DYNC1H1: variants seen among roughly 807,000 people sequenced by gnomAD.
The protein encoded by DYNC1H1 is cytoplasmic dynein 1 heavy chain 1.
Under a neutral mutation model 527.1 loss-of-function variants are expected in DYNC1H1, and 51 were observed. That is an observed-to-expected ratio of 0.10 (90% CI 0.08 to 0.12). DYNC1H1 has a LOEUF of 0.12. Ranked by LOEUF, DYNC1H1 falls within the 10% of genes least tolerant of loss-of-function variation. The pLI, the probability that DYNC1H1 is intolerant of heterozygous loss-of-function variation, is 1.00. For missense variants in DYNC1H1, 2,771 were observed against 5,971.8 expected (o/e 0.46, Z 17.66); for synonymous variants, 2,189 against 2,278.8 (o/e 0.96, Z 1.12).
intron 27 of DYNC1H1, 46 bp from the exon 28 acceptor site, chr14:102,006,962 C>A: frequency 5.7e-6 from 9 of 1,585,956 alleles, no homozygotes; most frequent in African/African-American, 1.3e-5. Context: ...GATATGTTTT[C>A]AGTTAGGTAA....
intron 74 of DYNC1H1, 60 bp downstream of exon 74, chr14:102,048,729 A>G (rs2152600615): frequency 6.6e-7 from 1 of 1,509,110 alleles, no homozygotes; most frequent in Non-Finnish European, 8.9e-7. Flanking sequence ...CAGGGGCCAC[A>G]ACCCAGCCCA....
chr14:101,980,263 G>A (rs1465944617), intron 4 of DYNC1H1, 101 bp from the exon 5 acceptor site: 3 of 1,440,782 alleles, frequency 2.1e-6, no homozygotes, highest in Non-Finnish European at 1.9e-6. Flanking sequence ...AAATCTACTT[G>A]AAATATAAAA....
Position 102,041,897 on chromosome 14 carries a change from AC to A in DYNC1H1, c.12103-114del. 1.3e-6 allele frequency: 2 copies of A among 1,494,466 alleles called. No individual in the cohort carries two copies. Among genetic ancestry groups the A allele is most frequent in the Non-Finnish European group, 1.8e-6 (2 of 1,087,714 alleles). 92.6% of individuals were successfully genotyped at this position (1,494,466 alleles called of 1,614,324 possible). On this transcript the variant is annotated intron_variant, in intron 65 of 77. Coordinates refer to ENST00000360184, the MANE Select transcript of DYNC1H1 (RefSeq NM_001376.5). The surrounding 1 kb of genome is among the most constrained non-coding windows in gnomAD (Gnocchi z 4.5). The stretch of plus-strand genomic sequence containing the variant: ...CAACTCCTGGCTGCATGGTGCCCAC[AC>A]CTCTGGGCCCAGAAAGAACATCTTC...
At position 102,004,745 on chromosome 14, in the gene DYNC1H1, A is replaced by T; in HGVS notation, c.5050-17A>T. ...CATTTTTGCATACCTCATTTCTTAA[A>T]ATTGTATTTATTTCAGGTTATGTTT... On this transcript the variant is annotated splice_polypyrimidine_tract_variant and intron_variant, in intron 24 of 77. Coordinates refer to ENST00000360184, the MANE Select transcript of DYNC1H1 (RefSeq NM_001376.5). 6.2e-7 allele frequency: 1 copy of T among 1,614,112 alleles called. No individual in the cohort carries two copies. Among genetic ancestry groups the T allele is most frequent in the Non-Finnish European group, 8.5e-7 (1 of 1,180,014 alleles).
Position 102,044,120 on chromosome 14 carries a change from G to T in DYNC1H1, c.12684+75G>T. ...ATGCTGCAGGGCGTGGTGCTGAGAG[G>T]CCAGACTCTGCGTGGAAGAGCGAGC... On this transcript the variant is annotated intron_variant, in intron 70 of 77. Coordinates refer to ENST00000360184, the MANE Select transcript of DYNC1H1 (RefSeq NM_001376.5). The surrounding 1 kb of genome is among the most constrained non-coding windows in gnomAD (Gnocchi z 7.1). The T allele has an allele frequency of 6.3e-7, 1 of 1,595,956 alleles. No homozygotes were observed. Among genetic ancestry groups the T allele is most frequent in the Non-Finnish European group, 8.5e-7 (1 of 1,174,744 alleles).
In DYNC1H1 at chr14:102,036,309, G is replaced by A. The variant is rs1450685477; in HGVS notation, c.10755-180G>A. ...GCCAATAGTTGTTCAAAAGGATGAG[G>A]TGATGTTAGCATTAAGCATGTAAGC... On this transcript the variant is annotated intron_variant, in intron 56 of 77. Coordinates refer to ENST00000360184, the MANE Select transcript of DYNC1H1 (RefSeq NM_001376.5). This position sits in a 1 kb window ranked among gnomAD's most constrained non-coding sequence, Gnocchi z 5.6. 2 of 692,596 alleles carry A rather than the reference G, an allele frequency of 2.9e-6. No individual in the cohort carries two copies. The highest frequency in any genetic ancestry group is 1.8e-5 in the African/African-American group (1 of 56,734). 42.9% of individuals were successfully genotyped at this position (692,596 alleles called of 1,614,324 possible).
rs1391203930 is a variant in DYNC1H1, at chr14:102,052,444, T to A, written c.*1881T>A. 3 of 152,288 alleles carry A rather than the reference T, an allele frequency of 2.0e-5. No homozygotes were observed. The highest frequency in any genetic ancestry group is 7.2e-5 in the African/African-American group (3 of 41,444). The allele number at this position is 152,288 out of a possible 1,614,324, so 9.4% of individuals were successfully genotyped here. On this transcript the variant is annotated 3_prime_UTR_variant, in exon 78 of 78. Coordinates refer to ENST00000360184, the MANE Select transcript of DYNC1H1 (RefSeq NM_001376.5). ...CACCACACCCAGCCCCTAAAAACATTTATGTGCATCGACATCAGCTTTGAT... is the reference window on the plus strand; with the variant it reads ...CACCACACCCAGCCCCTAAAAACATATATGTGCATCGACATCAGCTTTGAT...
chr14:101,999,160 G>A (rs985949844), intron 16 of DYNC1H1, among the ~76,000 whole-genome samples: 19 of 151,870 alleles, frequency 1.3e-4, no homozygotes, highest in African/African-American at 4.6e-4. Flanking sequence ...GGGATTATAG[G>A]CGTGAGCCAC....
intron 34 of DYNC1H1, among the ~76,000 whole-genome samples, chr14:102,014,149 C>T (rs1206821397): frequency 1.3e-5 from 2 of 152,136 alleles, no homozygotes; most frequent in East Asian, 3.9e-4. Context: ...ATTACAGCTC[C>T]GAGGTTAAGG....
At chr14:102,009,700 C>A in intron 29 of DYNC1H1, 143 bp from the exon 30 acceptor site, 2 of 1,336,798 alleles carry the variant, frequency 1.5e-6, no homozygotes, top group Non-Finnish European at 2.1e-6. Context: ...CGAAGAAAGG[C>A]CAAAGAGCAG....
At position 102,048,314 on chromosome 14, in the gene DYNC1H1, G is replaced by T. The variant is rs528872259; in HGVS notation, c.13219-202G>T. On this transcript the variant is annotated intron_variant, in intron 73 of 77. Coordinates refer to ENST00000360184, the MANE Select transcript of DYNC1H1 (RefSeq NM_001376.5). ...AGAGAGCCCCGAGAGCTGCGACTCG[G>T]GCAGGGGCCTCAGCGGGTTTCTGAG... 92 of 776,832 alleles carry T rather than the reference G, an allele frequency of 1.2e-4. 1 individual carries two copies. In the African/African-American group the frequency reaches 1.5e-3, roughly 13 times the overall value. 48.1% of individuals were successfully genotyped at this position (776,832 alleles called of 1,614,324 possible).
At chr14:102,004,269 TAAA>T (rs1434419003) in intron 23 of DYNC1H1, among the ~76,000 whole-genome samples, 5 of 141,114 alleles carry the variant, frequency 3.5e-5, no homozygotes, top group African/African-American at 1.4e-4. Flanking sequence ...AATAAATAAA[TAAA>T]GTAACTTACT....
Position 102,044,311 on chromosome 14 carries a change from C to G in DYNC1H1, c.12722C>G (p.Ser4241Cys), listed in dbSNP as rs778752793. Residue 4241 changes from serine to cysteine, a missense_variant, in exon 71 of 78, where the codon TCT (serine) becomes TGT (cysteine). By Grantham distance (112) the Ser-to-Cys change is moderately radical. Around this residue, in one of 32 missense-constraint regions of DYNC1H1, gnomAD observed 195 missense variants for 428.6 expected, o/e 0.45. Coordinates refer to ENST00000360184, the MANE Select transcript of DYNC1H1 (RefSeq NM_001376.5). The surrounding 1 kb of genome is among the most constrained non-coding windows in gnomAD (Gnocchi z 7.1). ...ATCTCACCGGATAAGATCCCGTGGTCTGCACTAAAGACCTTAATGGCCCAG... is the reference window on the plus strand; with the variant it reads ...ATCTCACCGGATAAGATCCCGTGGTGTGCACTAAAGACCTTAATGGCCCAG... Reference protein sequence around the residue: ...QNISPDKIPWSALKTLMAQSI... With the variant: ...QNISPDKIPWCALKTLMAQSI... 1 of 1,614,160 alleles carries G rather than the reference C, an allele frequency of 6.2e-7. No homozygotes were observed. Among genetic ancestry groups the G allele is most frequent in the Non-Finnish European group, 8.5e-7 (1 of 1,180,044 alleles).
intron 10 of DYNC1H1, among the ~76,000 whole-genome samples, chr14:101,989,816 A>G (rs1261890876): frequency 6.6e-6 from 1 of 152,232 alleles, no homozygotes; most frequent in Non-Finnish European, 1.5e-5. Context: ...AATTGATACA[A>G]TTACAGTCAT....
intron 43 of DYNC1H1, among the ~76,000 whole-genome samples, chr14:102,024,508 T>G (rs992963057): frequency 6.4e-4 from 97 of 152,192 alleles, no homozygotes; most frequent in African/African-American, 2.2e-3. Flanking sequence ...AAGTTCAGCT[T>G]TCTCCAGAAA....
Position 101,964,725 on chromosome 14 carries a change from G to A in DYNC1H1, c.34G>A (p.Gly12Ser), listed in dbSNP as rs2047643021. 2.5e-6 allele frequency: 4 copies of A among 1,596,256 alleles called. No homozygotes were observed. The highest frequency in any genetic ancestry group is 1.3e-5 in the African/African-American group (1 of 74,814). The change falls in exon 1 of 78, where the codon GGC becomes AGC. Residue 12 changes from glycine to serine, a missense_variant. Transcript: ENST00000360184. This position sits in a 1 kb window ranked among gnomAD's most constrained non-coding sequence, Gnocchi z 5.5. ...GCCCGGGGGCGGCGGCGGCGAGGAC[G>A]GCTCGGCCGGATTGGAAGTGTCGGC... The part of the protein sequence containing the change: ...SEPGGGGGED[G>S]SAGLEVSAVQ...
At chr14:101,977,689 T>C (rs2047817465) in intron 2 of DYNC1H1, among the ~76,000 whole-genome samples, 1 of 152,236 alleles carries the variant, frequency 6.6e-6, no homozygotes, top group African/African-American at 2.4e-5. Context: ...TCTGGAGTAG[T>C]ACTTCAGCCT....
At chr14:102,022,683 A>G (rs2048399090) in intron 42 of DYNC1H1, 68 bp from the exon 43 acceptor site, 5 of 1,611,022 alleles carry the variant, frequency 3.1e-6, no homozygotes, top group Admixed American at 1.7e-5. Context: ...ACCCACAAAC[A>G]TGGTGAACAT....
chr14:102,023,072 G>A, intron 43 of DYNC1H1, 192 bp downstream of exon 43: 6 of 871,226 alleles, frequency 6.9e-6, no homozygotes, highest in South Asian at 5.7e-5. Flanking sequence ...AGACCAGCCT[G>A]GGCAACATAG....
Sources: allele counts gnomAD v4.1 joint callset (sites outside exome capture counted in the v4.1 genomes callset), GRCh38; gene constraint gnomAD v4.1.1; regional missense constraint gnomAD v4.1.1; non-coding constraint Gnocchi (gnomAD v3.1); transcripts MANE v1.5; gene names NCBI Gene and HGNC (gene_info 2026-07-23, HGNC 2026-07-21).